The following TASP1 variants were observed in gnomAD, a reference collection of about 807,000 sequenced individuals.
TASP1 encodes the protein threonine aspartase 1.
In TASP1, 16 loss-of-function variants were observed where a neutral mutation model predicts 56.6. The ratio of observed to expected loss-of-function variants is 0.28; its 90% confidence interval spans 0.19 to 0.43. The LOEUF (loss-of-function observed/expected upper bound fraction) is 0.43, where lower values mean the gene tolerates loss of function less well. Ranked by LOEUF, TASP1 falls within the 20% of genes least tolerant of loss-of-function variation. TASP1 has a pLI of 1.00. For synonymous variants in TASP1, 179 were observed against 184.2 expected (o/e 0.97, Z 0.23); for missense variants, 393 against 511.6 (o/e 0.77, Z 2.24).
chr20:13,154,578 C>A, the TASP1 span, among the ~76,000 whole-genome samples: 3 of 152,078 alleles, frequency 2.0e-5, no homozygotes, highest in African/African-American at 4.8e-5. Flanking sequence ...TCATTTCAAG[C>A]GTGGGGAAGC....
At chr20:13,149,460 C>T in the TASP1 span, among the ~76,000 whole-genome samples, 1 of 152,188 alleles carries the variant, frequency 6.6e-6, no homozygotes, top group Non-Finnish European at 1.5e-5. Context: ...GTACAAATTC[C>T]ACCTCTGTCC....
At chr20:13,626,629 T>C (rs929281584) in intron 2 of TASP1, among the ~76,000 whole-genome samples, 3 of 152,066 alleles carry the variant, frequency 2.0e-5, no homozygotes, top group African/African-American at 4.8e-5. Context: ...GCCACCAGAA[T>C]CCACAATACA....
chr20:13,153,779 C>G, the TASP1 span, among the ~76,000 whole-genome samples: 1 of 152,152 alleles, frequency 6.6e-6, no homozygotes, highest in Admixed American at 6.5e-5. Context: ...CTTGCAGCAC[C>G]TCGTAGAACC....
At chr20:13,551,373 A>G (rs1054406023) in intron 8 of TASP1, among the ~76,000 whole-genome samples, 1 of 152,178 alleles carries the variant, frequency 6.6e-6, no homozygotes, top group African/African-American at 2.4e-5. Flanking sequence ...TCATGGGAGG[A>G]GGCAAATAAT....
the TASP1 span, among the ~76,000 whole-genome samples, chr20:13,357,395 T>C: frequency 6.6e-6 from 1 of 152,208 alleles, no homozygotes; most frequent in Non-Finnish European, 1.5e-5. Context: ...AACTATTTTG[T>C]TGCTTTTGGC....
chr20:13,266,223 T>C, the TASP1 span, among the ~76,000 whole-genome samples: 3 of 152,114 alleles, frequency 2.0e-5, no homozygotes, highest in African/African-American at 4.8e-5. Flanking sequence ...GGACTAGACA[T>C]TGGGCAGGCA....
chr20:13,513,808 C>T (rs2044427372), intron 10 of TASP1, among the ~76,000 whole-genome samples: 1 of 152,044 alleles, frequency 6.6e-6, no homozygotes, highest in South Asian at 2.1e-4. Context: ...ATTGCTTATG[C>T]TTATTCCAGA....
intron 10 of TASP1, among the ~76,000 whole-genome samples, chr20:13,523,924 G>A (rs1380616399): frequency 1.3e-5 from 2 of 152,062 alleles, no homozygotes; most frequent in African/African-American, 4.8e-5. Context: ...CAAAGTGGGA[G>A]GATCACTGGA....
the TASP1 span, among the ~76,000 whole-genome samples, chr20:13,327,523 A>G: frequency 5.9e-5 from 9 of 152,342 alleles, no homozygotes; most frequent in South Asian, 1.7e-3. Flanking sequence ...AAAAGAACAA[A>G]GCTGGAGGCA....
downstream of TASP1, among the ~76,000 whole-genome samples, chr20:13,387,279 C>T (rs1203082938): frequency 2.0e-5 from 3 of 149,590 alleles, no homozygotes; most frequent in Non-Finnish European, 4.4e-5. Context: ...CTGCAACCTC[C>T]GCCTCCCTGG....
chr20:13,299,500 G>C, the TASP1 span: 2 of 1,546,324 alleles, frequency 1.3e-6, no homozygotes, highest in Non-Finnish European at 1.8e-6. The surrounding 1 kb of genome is among the most constrained non-coding windows in gnomAD (Gnocchi z 5.8). Context: ...TCTGGTTCTG[G>C]AGCACACACG....
chr20:13,194,245 G>T, the TASP1 span, among the ~76,000 whole-genome samples: 3 of 152,068 alleles, frequency 2.0e-5, no homozygotes, highest in Admixed American at 6.6e-5. Context: ...GCTATATCTG[G>T]AGTATATGTT....
chr20:13,341,338 C>T, the TASP1 span, among the ~76,000 whole-genome samples: 4 of 152,256 alleles, frequency 2.6e-5, no homozygotes, highest in Admixed American at 6.5e-5. Flanking sequence ...ATATATGAAC[C>T]GATGCTTTTA....
chr20:13,140,539 C>T, the TASP1 span, among the ~76,000 whole-genome samples: 1 of 152,136 alleles, frequency 6.6e-6, no homozygotes, highest in Admixed American at 6.5e-5. Context: ...ATTAACATCA[C>T]TTGCATTTTA....
chr20:13,455,650 T>C (rs1346698042), intron 11 of TASP1, among the ~76,000 whole-genome samples: 1 of 152,094 alleles, frequency 6.6e-6, no homozygotes, highest in Non-Finnish European at 1.5e-5. Context: ...AGATGAAGCC[T>C]GCAGCAGCAG....
At chr20:13,543,554 T>C (rs1318604284) in intron 8 of TASP1, among the ~76,000 whole-genome samples, 5 of 152,158 alleles carry the variant, frequency 3.3e-5, no homozygotes, top group Non-Finnish European at 7.4e-5. Context: ...TGAGCCGAGA[T>C]TGCGCCACTG....
the TASP1 span, among the ~76,000 whole-genome samples, chr20:13,147,346 T>C: frequency 6.6e-6 from 1 of 152,214 alleles, no homozygotes; most frequent in Non-Finnish European, 1.5e-5. Context: ...CTAATGTGAT[T>C]CTTATGATTC....
At chr20:13,358,531 C>T in the TASP1 span, among the ~76,000 whole-genome samples, 397 of 152,296 alleles carry the variant, frequency 2.6e-3, no homozygotes, top group African/African-American at 9.2e-3. Flanking sequence ...GTCCCTCAAC[C>T]ACTTTCTCCT....
At position 13,565,376 on chromosome 20, in the gene TASP1, A is replaced by C. The variant is rs2046491180; in HGVS notation, c.568+4131T>G. Among the ~76,000 whole-genome samples the C allele has an allele frequency of 2.6e-5, 4 of 152,168 alleles. No homozygotes were observed. The South Asian group carries it at 8.3e-4, about 32-fold the overall frequency. On this transcript the variant is annotated intron_variant, in intron 7 of 13. Transcript: ENST00000337743. ...AAATAGATAAAAATTTAAAAGACAC[A>C]ATGGAGTGAAAGACACAATCAATGG...
Sources: allele counts gnomAD v4.1 joint callset (sites outside exome capture counted in the v4.1 genomes callset), GRCh38; gene constraint gnomAD v4.1.1; non-coding constraint Gnocchi (gnomAD v3.1); transcripts MANE v1.5; gene names NCBI Gene and HGNC (gene_info 2026-07-23, HGNC 2026-07-21).